Variants in WDR59 observed in about 807,000 individuals in gnomAD.
WDR59 encodes GATOR2 complex protein WDR59.
A neutral mutation model predicts 131.2 loss-of-function variants in WDR59; 100 were observed. The observed-to-expected ratio is 0.76, with a 90% CI of 0.65 to 0.90. The LOEUF is 0.90. Ranked by LOEUF, WDR59 falls within the 40% of genes least tolerant of loss-of-function variation. WDR59 has a pLI of 0.00. For missense variants in WDR59, 1,203 were observed against 1,262.2 expected (o/e 0.95, Z 0.71); for synonymous variants, 601 against 466.2 (o/e 1.29, Z -3.72).
chr16:74,891,215 G>C (rs1356046102), intron 20 of WDR59, among the ~76,000 whole-genome samples: 1 of 151,966 alleles, frequency 6.6e-6, no homozygotes, highest in Non-Finnish European at 1.5e-5. Context: ...ACTAGACTCT[G>C]AGATGCTCAA....
At chr16:74,896,589 C>T (rs1162001849) in intron 18 of WDR59, among the ~76,000 whole-genome samples, 2 of 151,386 alleles carry the variant, frequency 1.3e-5, no homozygotes, top group African/African-American at 4.9e-5. Context: ...GAGCTGAGGT[C>T]GCGCCCCTGC....
chr16:74,933,544 T>C (rs1012269932), intron 8 of WDR59, among the ~76,000 whole-genome samples: 1 of 152,214 alleles, frequency 6.6e-6, no homozygotes, highest in African/African-American at 2.4e-5. Context: ...TGTATTTAAC[T>C]TTAGTTTCAC....
chr16:74,956,535 C>T lies in WDR59; in HGVS notation c.180G>A (p.Trp60Ter). Residue 60 changes from tryptophan (W) to a stop codon, truncating the protein, a stop_gained, in exon 3 of 26, where the codon TGG becomes TGA. Coordinates refer to ENST00000262144, the MANE Select transcript of WDR59 (RefSeq NM_030581.4). LOFTEE classifies it high-confidence loss of function. ...GATTCCACTGCACAGCTCCAATGTC[C>T]CATTTGCTCTGGCGAGAGATCTTTC... is the stretch of plus-strand genomic sequence containing the variant. Reference protein sequence around the residue: ...GHRKISRQSKWDIGAVQWNPH... With the variant: ...GHRKISRQSK 6.2e-7 allele frequency: 1 copy of T among 1,614,056 alleles called. No homozygotes were observed. The highest frequency in any genetic ancestry group is 1.7e-5 in the Admixed American group (1 of 59,984).
At chr16:74,932,202 T>C (rs1241243745) in intron 8 of WDR59, among the ~76,000 whole-genome samples, 4 of 151,532 alleles carry the variant, frequency 2.6e-5, no homozygotes, top group Non-Finnish European at 4.4e-5. Context: ...CAAGCAATCC[T>C]CCTGCCTTAG....
intron 1 of WDR59, among the ~76,000 whole-genome samples, chr16:74,971,424 TC>T (rs1567442483): frequency 6.3e-5 from 9 of 141,822 alleles, no homozygotes; most frequent in African/African-American, 2.2e-4. Context: ...CTTCTTTCCT[TC>T]CTTTTTTTTT....
chr16:74,874,251 G>A lies in WDR59; in HGVS notation c.2883C>T (p.Pro961=). The A allele has an allele frequency of 6.2e-7, 1 of 1,614,154 alleles. No homozygotes were observed. ...GCAGGCAGTGGCACCCACACCCGGT[G>A]GGACACACCTCCTGGGTCCGAAACC... ...MEWFRTQEVC[P]TGCGCHCLLE... is the part of the protein sequence containing the mutation. The change falls in exon 26 of 26, where the codon CCC becomes CCT. Residue 961 remains proline (P), a synonymous_variant. Transcript: ENST00000262144.
intron 17 of WDR59, among the ~76,000 whole-genome samples, chr16:74,905,055 T>C (rs1965731428): frequency 6.6e-6 from 1 of 152,266 alleles, no homozygotes; most frequent in Non-Finnish European, 1.5e-5. Context: ...GCTTTCATTT[T>C]TATTTATTTT....
chr16:74,956,026 A>T (rs2033273105), intron 3 of WDR59, among the ~76,000 whole-genome samples: 1 of 152,172 alleles, frequency 6.6e-6, no homozygotes, highest in African/African-American at 2.4e-5. Context: ...AATGATTCCC[A>T]ATCAAGGAAG....
intron 8 of WDR59, among the ~76,000 whole-genome samples, chr16:74,924,318 C>T (rs1047277662): frequency 4.6e-5 from 7 of 152,188 alleles, no homozygotes; most frequent in South Asian, 2.1e-4. Flanking sequence ...TTTTGTATCA[C>T]GTTTACATCT....
chr16:74,912,565 G>C (rs1284447987), intron 13 of WDR59, among the ~76,000 whole-genome samples: 1 of 152,118 alleles, frequency 6.6e-6, no homozygotes, highest in Non-Finnish European at 1.5e-5. Flanking sequence ...CAAACCAATG[G>C]AATAAGCTCA....
chr16:74,905,886 C>T (rs1196983491), intron 17 of WDR59, among the ~76,000 whole-genome samples: 1 of 151,898 alleles, frequency 6.6e-6, no homozygotes, highest in Non-Finnish European at 1.5e-5. Context: ...CAACCAGAAA[C>T]AAATAAGATA....
intron 22 of WDR59, 90 bp from the exon 23 acceptor site, chr16:74,887,845 C>T (rs1199348270): frequency 2.3e-5 from 31 of 1,324,196 alleles, no homozygotes; most frequent in Non-Finnish European, 2.6e-5. Context: ...AGGCCAAGCA[C>T]GGTGGCTCAT....
chr16:74,892,456 A>T (rs1376587545), intron 20 of WDR59, 28 bp downstream of exon 20: 1 of 1,588,038 alleles, frequency 6.3e-7, no homozygotes, highest in South Asian at 1.1e-5. Flanking sequence ...GAAAAATCCA[A>T]ATCTCCACCA....
intron 1 of WDR59, among the ~76,000 whole-genome samples, chr16:74,983,443 A>G (rs2034504502): frequency 6.6e-6 from 1 of 152,160 alleles, no homozygotes. Flanking sequence ...ACTACACTAC[A>G]GTCTGGGTCA....
At position 74,871,403 on chromosome 16, in the gene WDR59, C is replaced by G. The variant is rs530438963; in HGVS notation, c.*2806G>C. The G allele has an allele frequency of 9.2e-5, 14 of 152,318 alleles. No homozygotes were observed. The highest frequency in any genetic ancestry group is 4.1e-4 in the South Asian group (2 of 4,834). The allele number at this position is 152,318 out of a possible 1,614,324, so 9.4% of individuals were successfully genotyped here. A position where few individuals can be genotyped will look rare whatever the true frequency, so the allele number is the denominator to read the frequency against. ...ATCTATTCTGCGGCTGAGAGAATAT[C>G]GGCCATGGCCCGCAACCAGACAACC... is the stretch of plus-strand genomic sequence containing the variant. On this transcript the variant is annotated 3_prime_UTR_variant, in exon 26 of 26. Coordinates refer to ENST00000262144, the MANE Select transcript of WDR59 (RefSeq NM_030581.4).
At position 74,904,021 on chromosome 16, in the gene WDR59, G is replaced by A. The variant is rs1248018071; in HGVS notation, c.1792C>T (p.Arg598Cys). ...CGAGTGGGGCTCCCACTGTATAAACGAAGGTTCCCAGGGGCCTCTGTGCGG... is the reference window on the plus strand; with the variant it reads ...CGAGTGGGGCTCCCACTGTATAAACAAAGGTTCCCAGGGGCCTCTGTGCGG... ...KIRTEAPGNL[R>C]LYSGSPTRSE... The change falls in exon 18 of 26, where the codon CGT (arginine) becomes TGT (cysteine). Residue 598 changes from arginine (R) to cysteine (C), a missense_variant. Physicochemically the swap from Arg to Cys is radical, Grantham distance 180. Transcript: ENST00000262144. 1.2e-6 allele frequency: 2 copies of A among 1,612,640 alleles called. No individual in the cohort carries two copies. The highest frequency in any genetic ancestry group is 1.7e-6 in the Non-Finnish European group (2 of 1,179,588).
chr16:74,965,165 A>AT (rs1389553646), intron 2 of WDR59, among the ~76,000 whole-genome samples: 1 of 152,156 alleles, frequency 6.6e-6, no homozygotes, highest in Non-Finnish European at 1.5e-5. Context: ...TCAGCTTCGC[A>AT]AGTAGCTGGG....
chr16:74,957,785 C>A (rs1216398585), intron 2 of WDR59, among the ~76,000 whole-genome samples: 1 of 151,972 alleles, frequency 6.6e-6, no homozygotes, highest in Non-Finnish European at 1.5e-5. Flanking sequence ...TGAGAATAGG[C>A]AGGCTCAAAA....
intron 25 of WDR59, among the ~76,000 whole-genome samples, chr16:74,880,378 C>T (rs1432447984): frequency 2.6e-5 from 4 of 151,950 alleles, no homozygotes; most frequent in African/African-American, 4.8e-5. Context: ...ACCTGGGAGG[C>T]GGAGCTTGCA....
Sources: gnomAD v4.1 joint callset for allele counts (sites outside exome capture counted in the v4.1 genomes callset) on GRCh38, gnomAD v4.1.1 for gene constraint, MANE v1.5 for transcripts, NCBI Gene and HGNC (gene_info 2026-07-23, HGNC 2026-07-21) for gene names.